The following MYLK variants were observed in gnomAD, a reference collection of about 807,000 sequenced individuals.
MYLK encodes myosin light chain kinase, smooth muscle.
In MYLK, 106 loss-of-function variants were observed where a neutral mutation model predicts 203.4. The ratio of observed to expected loss-of-function variants is 0.52; its 90% CI spans 0.45 to 0.61. The LOEUF is 0.61. MYLK is among the 20% of genes least tolerant of loss of function. The pLI, the probability that MYLK is intolerant of heterozygous loss-of-function variation, is 0.00. For synonymous variants in MYLK, 867 were observed against 959.5 expected, an observed-to-expected ratio of 0.90 and a Z score of 1.78; for missense variants, 2,072 against 2,442.3, an observed-to-expected ratio of 0.85 and a Z score of 3.20.
At chr3:123,800,658 A>T (rs2065164680) in intron 3 of MYLK, among the ~76,000 whole-genome samples, 1 of 152,212 alleles carries the variant, frequency 6.6e-6, no homozygotes, top group Admixed American at 6.5e-5. Context: ...CTCCAGCAAG[A>T]GAAGGTATTT....
At chr3:123,765,108 C>T (rs115662780) in intron 4 of MYLK, among the ~76,000 whole-genome samples, 8 of 152,110 alleles carry the variant, frequency 5.3e-5, no homozygotes, top group Admixed American at 1.3e-4. Flanking sequence ...TTGGAACCGT[C>T]GCACACTGCT....
chr3:123,701,124 G>C lies in MYLK; in HGVS notation c.2463-119C>G, dbSNP rs1198863748. On this transcript the variant is annotated intron_variant, in intron 17 of 33. Coordinates refer to ENST00000360304, the MANE Select transcript of MYLK (RefSeq NM_053025.4). The stretch of plus-strand genomic sequence containing the variant: ...AGGGTAGAGGGGAGCGGGAGGGGAT[G>C]GGGGAGGCCGGCCAGGCTGTGTTTA... 5.3e-6 allele frequency: 7 copies of C among 1,317,304 alleles called. No homozygotes were observed. In the South Asian group the frequency reaches 7.6e-5, roughly 14 times the overall value. The allele number at this position is 1,317,304 out of a possible 1,614,324, so 81.6% of individuals were successfully genotyped here.
At chr3:123,664,406 C>A in intron 22 of MYLK, 148 bp from the exon 23 acceptor site, 1 of 1,101,846 alleles carries the variant, frequency 9.1e-7, no homozygotes. Flanking sequence ...GCCCTTCTCC[C>A]TGAGGCCCCT....
rs201754358 is a variant in MYLK, at chr3:123,739,030, C to T, written c.455G>A (p.Arg152His). 243 of 1,613,806 alleles carry T rather than the reference C, an allele frequency of 1.5e-4. No individual in the cohort carries two copies. Among genetic ancestry groups the T allele is most frequent in the East Asian group, 2.2e-4 (10 of 44,856 alleles). The change falls in exon 7 of 34, where the codon CGT becomes CAT. Residue 152 changes from arginine to histidine, a missense_variant. Arg to His is a conservative substitution (Grantham distance 29). Around this residue, in one of 3 missense-constraint regions of MYLK, gnomAD observed 683 missense variants for 643.8 expected, o/e 1.06. Transcript: ENST00000360304. The part of the protein sequence containing the change: ...DRFSAPAVET[R>H]PSIWGECPPK... ...TGGGCACTCCCCCCAGATGCTAGGA[C>T]GGGTCTCCACTGCTGGAGCTGAAAA...
intron 2 of MYLK, among the ~76,000 whole-genome samples, chr3:123,843,774 G>C (rs1483351003): frequency 2.0e-5 from 3 of 152,108 alleles, no homozygotes; most frequent in Non-Finnish European, 4.4e-5. Context: ...ACAATAGCTG[G>C]GACCTCTACT....
At chr3:123,707,049 C>G (rs2061486942) in intron 16 of MYLK, among the ~76,000 whole-genome samples, 1 of 152,192 alleles carries the variant, frequency 6.6e-6, no homozygotes, top group Non-Finnish European at 1.5e-5. Flanking sequence ...ACACTGCAAG[C>G]TCTGACCTGG....
intron 4 of MYLK, among the ~76,000 whole-genome samples, chr3:123,770,887 C>T (rs2063859983): frequency 6.6e-6 from 1 of 152,168 alleles, no homozygotes; most frequent in Admixed American, 6.5e-5. Flanking sequence ...GCCTCAACAA[C>T]CAAATGGACC....
At chr3:123,831,000 A>G (rs1222004332) in intron 3 of MYLK, among the ~76,000 whole-genome samples, 1 of 152,172 alleles carries the variant, frequency 6.6e-6, no homozygotes, top group East Asian at 1.9e-4. Context: ...AGTGCAGGTG[A>G]CCAGGTTATG....
rs562802485 is a variant in MYLK at position 123,747,197 on chromosome 3, G to C, written c.373+5134C>G. Among the ~76,000 whole-genome samples, 15 of 152,258 alleles carry C rather than the reference G, an allele frequency of 9.9e-5. No homozygotes were observed. In the East Asian group the frequency reaches 2.5e-3, roughly 26 times the overall value. On this transcript the variant is annotated intron_variant, in intron 5 of 33. Coordinates refer to ENST00000360304, the MANE Select transcript of MYLK (RefSeq NM_053025.4). ...TGGCCCGAGAATCCTGGTGTCAGTG[G>C]CACCACCAGAGCTGCCTTAGTGGTC...
rs2062303955 is a variant in MYLK at position 123,726,783 on chromosome 3, C to T, written c.1517-705G>A. ...CCTTCTACATCAGTGAATTAGGGGA[C>T]ATTTTCTAGTTTGGGGACCTTAATT... On this transcript the variant is annotated intron_variant, in intron 11 of 33. Transcript: ENST00000360304. Among the ~76,000 whole-genome samples, 3 of 152,108 alleles carry T rather than the reference C, an allele frequency of 2.0e-5. No homozygotes were observed. The South Asian group carries it at 6.2e-4, about 32-fold the overall frequency.
intron 2 of MYLK, among the ~76,000 whole-genome samples, chr3:123,836,340 C>G (rs1212844016): frequency 6.6e-6 from 1 of 152,220 alleles, no homozygotes; most frequent in Non-Finnish European, 1.5e-5. Flanking sequence ...CTTCCAGAAT[C>G]AGCCATGTAA....
chr3:123,650,670 G>C (rs150150486), intron 24 of MYLK, among the ~76,000 whole-genome samples: 1,672 of 152,320 alleles, frequency 0.011, 26 homozygotes, highest in African/African-American at 0.034. Context: ...AAGTATCAGA[G>C]GTGGGTTTCA....
intron 4 of MYLK, among the ~76,000 whole-genome samples, chr3:123,769,260 C>A (rs1192442883): frequency 6.6e-6 from 1 of 152,168 alleles, no homozygotes; most frequent in Non-Finnish European, 1.5e-5. Flanking sequence ...AAAGTTTCAA[C>A]ATCAAAATAC....
chr3:123,693,185 G>A (rs2060753247), intron 18 of MYLK, among the ~76,000 whole-genome samples: 1 of 152,214 alleles, frequency 6.6e-6, no homozygotes, highest in Non-Finnish European at 1.5e-5. Flanking sequence ...ACAAGGAGAT[G>A]CACACAGGCC....
chr3:123,817,668 A>C (rs1217292438), intron 3 of MYLK, among the ~76,000 whole-genome samples: 3 of 152,230 alleles, frequency 2.0e-5, no homozygotes, highest in Non-Finnish European at 2.9e-5. Flanking sequence ...TCATGTGTGC[A>C]ACGAGATTTG....
intron 24 of MYLK, among the ~76,000 whole-genome samples, chr3:123,650,571 T>C (rs115755044): frequency 2.5e-3 from 386 of 152,040 alleles, no homozygotes; most frequent in Non-Finnish European, 4.4e-3. Flanking sequence ...ATGAATGGGA[T>C]TGGAAAGTAT....
chr3:123,611,592 G>A lies in MYLK; in HGVS notation c.*2513C>T, dbSNP rs1156978966. On this transcript the variant is annotated 3_prime_UTR_variant, in exon 34 of 34. Transcript: ENST00000360304. ...GGAAGACAGTTTTTCCATGGACCAG[G>A]AGAGGGGGTGGTTTTGGGATTATTC... 6.6e-6 allele frequency: 1 copy of A among 152,220 alleles called. No homozygotes were observed. 9.4% of individuals were successfully genotyped at this position (152,220 alleles called of 1,614,324 possible).
At chr3:123,788,529 C>T (rs544248624) in intron 4 of MYLK, among the ~76,000 whole-genome samples, 8 of 145,556 alleles carry the variant, frequency 5.5e-5, no homozygotes, top group African/African-American at 2.1e-4. Context: ...TAATGCTATC[C>T]CTCTCCCCTC....
At chr3:123,874,208 G>C (rs1455972210) in intron 2 of MYLK, among the ~76,000 whole-genome samples, 1 of 152,032 alleles carries the variant, frequency 6.6e-6, no homozygotes, top group Non-Finnish European at 1.5e-5. Flanking sequence ...TGAAAAGAAA[G>C]AACTAAGTTG....
Sources: gnomAD v4.1 joint callset for allele counts (sites outside exome capture counted in the v4.1 genomes callset) on GRCh38, gnomAD v4.1.1 for gene constraint, gnomAD v4.1.1 regional missense constraint, MANE v1.5 for transcripts, NCBI Gene and HGNC (gene_info 2026-07-23, HGNC 2026-07-21) for gene names.